The following NAALADL2 variants were observed in gnomAD, a reference collection of about 807,000 sequenced individuals.
NAALADL2 encodes inactive N-acetylated-alpha-linked acidic dipeptidase-like protein 2.
NAALADL2 carries 76 observed loss-of-function variants against 87.2 expected under a neutral mutation model. The observed-to-expected ratio is 0.87, with a 90% CI of 0.72 to 1.05. The LOEUF (loss-of-function observed/expected upper bound fraction) is 1.05, where lower values mean the gene tolerates loss of function less well. Among genes scored for constraint, NAALADL2 ranks in the 50% least tolerant of loss-of-function variants. NAALADL2 has a pLI of 0.00. For missense variants in NAALADL2, 1,089 were observed against 945.8 expected, an observed-to-expected ratio of 1.15 and a Z score of -1.99; for synonymous variants, 354 against 331.0, an observed-to-expected ratio of 1.07 and a Z score of -0.75.
chr3:174,703,267 G>A (rs1445751283), intron 2 of NAALADL2, among the ~76,000 whole-genome samples: 1 of 150,906 alleles, frequency 6.6e-6, no homozygotes, highest in Non-Finnish European at 1.5e-5. Flanking sequence ...AGCCTCCTGA[G>A]TAGCTAGGAT....
chr3:175,684,877 T>C (rs1736061036), intron 11 of NAALADL2, among the ~76,000 whole-genome samples: 1 of 152,116 alleles, frequency 6.6e-6, no homozygotes, highest in Non-Finnish European at 1.5e-5. Context: ...AGTTAGAAAA[T>C]ATGATTTTAT....
intron 1 of NAALADL2, among the ~76,000 whole-genome samples, chr3:174,443,710 A>G (rs1468484939): frequency 2.6e-5 from 4 of 152,188 alleles, no homozygotes; most frequent in Admixed American, 6.5e-5. Flanking sequence ...CTGGTACATA[A>G]TGGTGTACGT....
chr3:175,038,997 G>T (rs914707151), intron 1 of NAALADL2, among the ~76,000 whole-genome samples: 9 of 152,084 alleles, frequency 5.9e-5, no homozygotes, highest in Admixed American at 3.9e-4. Flanking sequence ...TCTGATAGTG[G>T]AATTTATCAC....
chr3:174,746,829 A>G (rs916089686), intron 3 of NAALADL2, among the ~76,000 whole-genome samples: 1 of 152,222 alleles, frequency 6.6e-6, no homozygotes, highest in African/African-American at 2.4e-5. Context: ...GCAATGGGAA[A>G]GGATTCCCTA....
At chr3:175,719,725 C>A (rs149786723) in intron 11 of NAALADL2, among the ~76,000 whole-genome samples, 6 of 152,292 alleles carry the variant, frequency 3.9e-5, no homozygotes, top group African/African-American at 1.4e-4. Flanking sequence ...TATACTGCCT[C>A]TTAGCTCATT....
intron 2 of NAALADL2, among the ~76,000 whole-genome samples, chr3:174,598,878 G>T (rs1718176121): frequency 6.6e-6 from 1 of 152,062 alleles, no homozygotes; most frequent in Non-Finnish European, 1.5e-5. Context: ...ATTATGTGTT[G>T]AAAAGTCTTT....
At chr3:175,163,163 T>A (rs1451505640) in intron 2 of NAALADL2, among the ~76,000 whole-genome samples, 1 of 152,088 alleles carries the variant, frequency 6.6e-6, no homozygotes, top group Non-Finnish European at 1.5e-5. Flanking sequence ...TGAAATGAAG[T>A]TGATGTTGCA....
chr3:175,802,249 A>G (rs1445060776), intron 13 of NAALADL2, among the ~76,000 whole-genome samples: 1 of 151,904 alleles, frequency 6.6e-6, no homozygotes, highest in Non-Finnish European at 1.5e-5. Flanking sequence ...GTCAGTGTTC[A>G]GTTTTGCACT....
chr3:174,925,029 A>G (rs1441975120), intron 1 of NAALADL2, among the ~76,000 whole-genome samples: 1 of 151,678 alleles, frequency 6.6e-6, no homozygotes, highest in East Asian at 1.9e-4. Context: ...TTGCCTGCTC[A>G]CTCTGATGGT....
At chr3:174,888,256 T>A (rs185720180) in intron 1 of NAALADL2, among the ~76,000 whole-genome samples, 1 of 152,290 alleles carries the variant, frequency 6.6e-6, no homozygotes, top group East Asian at 1.9e-4. Context: ...GCAGTGGCCA[T>A]ACAACAGAGG....
intron 5 of NAALADL2, among the ~76,000 whole-genome samples, chr3:175,385,199 G>A (rs970353513): frequency 6.6e-6 from 1 of 151,948 alleles, no homozygotes; most frequent in Non-Finnish European, 1.5e-5. Context: ...TCCATTCAAA[G>A]CATAAGGACA....
chr3:175,611,362 T>C (rs4243413), intron 10 of NAALADL2, among the ~76,000 whole-genome samples: 104,030 of 151,896 alleles, frequency 0.68, 36,589 homozygotes, highest in East Asian at 0.85. Context: ...TGTAAAATAT[T>C]GGTCATAAAT....
At chr3:175,420,811 AG>A (rs911753778) in intron 5 of NAALADL2, among the ~76,000 whole-genome samples, 1 of 152,020 alleles carries the variant, frequency 6.6e-6, no homozygotes, top group African/African-American at 2.4e-5. Context: ...AAAACAGGTC[AG>A]GGGTTGTATC....
chr3:175,375,722 T>C (rs1360785954), intron 5 of NAALADL2, among the ~76,000 whole-genome samples: 1 of 152,148 alleles, frequency 6.6e-6, no homozygotes, highest in African/African-American at 2.4e-5. Context: ...ACTTTGACAA[T>C]TAATTTGTAT....
In NAALADL2 at chr3:175,263,087, A is replaced by T. The variant is rs574580552; in HGVS notation, c.939+6557A>T. On this transcript the variant is annotated intron_variant, in intron 4 of 13. Transcript: ENST00000454872. ...TCCATTTGTCATGGACAACATGGTC[A>T]GCACTAGAATACAAAATTGGAAAGT... Among the ~76,000 whole-genome samples, 8 of 151,896 alleles carry T rather than the reference A, an allele frequency of 5.3e-5. No homozygotes were observed. In the South Asian group the frequency reaches 6.2e-4, roughly 12 times the overall value.
chr3:175,183,577 G>A (rs1027389330), intron 2 of NAALADL2, among the ~76,000 whole-genome samples: 30 of 151,892 alleles, frequency 2.0e-4, no homozygotes, highest in African/African-American at 7.3e-4. Flanking sequence ...TTCTTTTTCT[G>A]CATTTAATGA....
chr3:175,166,470 C>T (rs921560544), intron 2 of NAALADL2, among the ~76,000 whole-genome samples: 4 of 152,036 alleles, frequency 2.6e-5, no homozygotes, highest in Admixed American at 6.6e-5. Flanking sequence ...GAAATCTTTC[C>T]GTCTTGATCC....
At chr3:174,812,732 C>T (rs867815457) in intron 3 of NAALADL2, among the ~76,000 whole-genome samples, 14 of 151,024 alleles carry the variant, frequency 9.3e-5, no homozygotes, top group African/African-American at 3.2e-4. Flanking sequence ...ATGCTGATCT[C>T]GTATAGGCCT....
At chr3:175,612,367 A>C (rs1724761418) in intron 10 of NAALADL2, among the ~76,000 whole-genome samples, 1 of 152,200 alleles carries the variant, frequency 6.6e-6, no homozygotes, top group Admixed American at 6.5e-5. Context: ...AGTAAGTGAT[A>C]AAATCTAGAT....
Sources: gnomAD v4.1 joint callset for allele counts (sites outside exome capture counted in the v4.1 genomes callset) on GRCh38, gnomAD v4.1.1 for gene constraint, MANE v1.5 for transcripts, NCBI Gene and HGNC (gene_info 2026-07-23, HGNC 2026-07-21) for gene names.